Variants in TJP3 observed in about 807,000 individuals in gnomAD.
TJP3 encodes the protein tight junction protein ZO-3.
A neutral mutation model predicts 104.2 loss-of-function variants in TJP3; 85 were observed. The ratio of observed to expected loss-of-function variants is 0.82; its 90% CI spans 0.68 to 0.98. The LOEUF is 0.98. TJP3 is among the 50% of genes least tolerant of loss of function. TJP3 has a pLI of 0.00. For missense variants in TJP3, 1,367 were observed against 1,322.8 expected (o/e 1.03, Z -0.52); for synonymous variants, 550 against 550.6 (o/e 1.00, Z 0.02).
chr19:3,738,766 C>T (rs2036771924), intron 12 of TJP3, 103 bp downstream of exon 12: 2 of 1,319,466 alleles, frequency 1.5e-6, no homozygotes, highest in African/African-American at 1.4e-5. Flanking sequence ...TGCATCTCTG[C>T]ACCCTCCATC....
rs371994055 is a variant in TJP3, at chr19:3,730,486, C to T, written c.393C>T (p.Asp131=). 114 of 1,584,398 alleles carry T rather than the reference C, an allele frequency of 7.2e-5. No homozygotes were observed. Among genetic ancestry groups the T allele is most frequent in the African/African-American group, 3.5e-4 (26 of 74,314 alleles). ...AGGTGGACCAGGGCCGGGGCTATGA[C>T]GGCGACTCATCCAGTGGCTCCGGCC... ...VEEVDQGRGY[D]GDSSSGSGRS... The change falls in exon 5 of 21, where the codon GAC becomes GAT. Residue 131 remains aspartate, a synonymous_variant. Coordinates refer to ENST00000541714, the MANE Select transcript of TJP3 (RefSeq NM_001267560.2). The surrounding 1 kb of genome is among the most constrained non-coding windows in gnomAD (Gnocchi z 7.3).
chr19:3,719,597 G>C (rs2036523410), intron 1 of TJP3, among the ~76,000 whole-genome samples: 1 of 151,828 alleles, frequency 6.6e-6, no homozygotes, highest in South Asian at 2.1e-4. Flanking sequence ...TTAGCCAGGC[G>C]TGGTGGCGGG....
intron 6 of TJP3, among the ~76,000 whole-genome samples, chr19:3,732,692 A>G (rs7252725): frequency 0.61 from 91,722 of 151,526 alleles, 28,241 homozygotes; most frequent in Admixed American, 0.74. Context: ...GTATTTTTAG[A>G]AAAGACGGGT....
chr19:3,738,702 G>A, intron 12 of TJP3, 39 bp downstream of exon 12: 1 of 1,572,500 alleles, frequency 6.4e-7, no homozygotes, highest in South Asian at 1.1e-5. Flanking sequence ...GTGTGTTGCG[G>A]GGGGAGGACC....
intron 1 of TJP3, among the ~76,000 whole-genome samples, chr19:3,718,076 T>TGGTGGCGG (rs1421841001): frequency 6.6e-6 from 1 of 150,938 alleles, no homozygotes; most frequent in Non-Finnish European, 1.5e-5. Context: ...CAGCCGGGCA[T>TGGTGGCGG]GTGCCTGTAG....
At chr19:3,723,274 C>T (rs1196409238) in intron 1 of TJP3, among the ~76,000 whole-genome samples, 1 of 152,022 alleles carries the variant, frequency 6.6e-6, no homozygotes, top group African/African-American at 2.4e-5. Flanking sequence ...GTATGATATG[C>T]GTACGGAGGA....
chr19:3,714,407 C>T (rs1409003177), intron 1 of TJP3, among the ~76,000 whole-genome samples: 6 of 148,230 alleles, frequency 4.0e-5, no homozygotes, highest in African/African-American at 1.5e-4. Context: ...CTCAAACTCC[C>T]GACCTCGTGA....
intron 14 of TJP3, among the ~76,000 whole-genome samples, chr19:3,742,580 T>C (rs565349907): frequency 2.8e-4 from 41 of 145,400 alleles, no homozygotes; most frequent in Admixed American, 1.7e-3. Flanking sequence ...GGTGGGTGGA[T>C]GGACCTTGAG....
chr19:3,721,751 G>T, intron 1 of TJP3: 1 of 403,336 alleles, frequency 2.5e-6, no homozygotes, highest in East Asian at 3.7e-5. Context: ...GGGAGCTGCG[G>T]AGCTGGAGGG....
chr19:3,729,617 C>G (rs2036642101), intron 3 of TJP3, among the ~76,000 whole-genome samples: 1 of 151,784 alleles, frequency 6.6e-6, no homozygotes, highest in South Asian at 2.1e-4. Context: ...CCCATCTCTA[C>G]TAACAAATAC....
chr19:3,747,268 C>T (rs994717437), intron 18 of TJP3, among the ~76,000 whole-genome samples: 1 of 152,090 alleles, frequency 6.6e-6, no homozygotes, highest in Non-Finnish European at 1.5e-5. Context: ...ACCATGTTGG[C>T]CAGGCTGGGC....
At position 3,732,046 on chromosome 19, in the gene TJP3, C is replaced by T. The variant is rs752900658; in HGVS notation, c.717+8C>T. On this transcript the variant is annotated splice_region_variant and intron_variant, in intron 6 of 20. Coordinates refer to ENST00000541714, the MANE Select transcript of TJP3 (RefSeq NM_001267560.2). ...GGAGATCTCATTCTACAGGTGAGGC[C>T]GGGCTTCTTGTCCTGAGAGCAGGGA... 1.2e-5 allele frequency: 19 copies of T among 1,608,836 alleles called. No homozygotes were observed. Among genetic ancestry groups the T allele is most frequent in the Admixed American group, 8.4e-5 (5 of 59,754 alleles).
chr19:3,721,704 C>T, intron 1 of TJP3: 1 of 368,662 alleles, frequency 2.7e-6, no homozygotes. Context: ...GCGGGGCTGA[C>T]CCGAGACCTG....
chr19:3,741,053 T>G (rs1448470962), intron 14 of TJP3, among the ~76,000 whole-genome samples: 1 of 152,062 alleles, frequency 6.6e-6, no homozygotes. Flanking sequence ...TAGGCTGGAG[T>G]GCAATAGCGT....
At position 3,735,895 on chromosome 19, in the gene TJP3, A is replaced by G. The variant is rs1264261652; in HGVS notation, c.1087A>G (p.Ile363Val). 2 of 1,614,188 alleles carry G rather than the reference A, an allele frequency of 1.2e-6. No homozygotes were observed. Among genetic ancestry groups the G allele is most frequent in the African/African-American group, 1.3e-5 (1 of 75,046 alleles). ...SELPRESSYD[I>V]YRVPSSQSME... ...GTTGCCCAGGGAAAGCAGCTATGAC[A>G]TCTACAGAGTGCCCAGCAGTCAGAG... Residue 363 changes from isoleucine to valine, a missense_variant, in exon 10 of 21, where the codon ATC becomes GTC. Physicochemically the swap from Ile to Val is conservative, Grantham distance 29 (BLOSUM62 3). Coordinates refer to ENST00000541714, the MANE Select transcript of TJP3 (RefSeq NM_001267560.2).
intron 1 of TJP3, among the ~76,000 whole-genome samples, chr19:3,725,588 A>G (rs2036587656): frequency 6.6e-6 from 1 of 150,538 alleles, no homozygotes; most frequent in Admixed American, 6.7e-5. Context: ...GCTACTCGGG[A>G]GGCTGAGTCA....
intron 1 of TJP3, among the ~76,000 whole-genome samples, chr19:3,719,773 C>T (rs2036525870): frequency 6.6e-6 from 1 of 151,432 alleles, no homozygotes; most frequent in Non-Finnish European, 1.5e-5. Flanking sequence ...GACATATAAC[C>T]TTCATGCGAT....
intron 1 of TJP3, among the ~76,000 whole-genome samples, chr19:3,721,413 G>C (rs2036540760): frequency 6.6e-6 from 1 of 152,156 alleles, no homozygotes; most frequent in Admixed American, 6.5e-5. Flanking sequence ...TCTGGCCTTC[G>C]ACAAGCTTCT....
chr19:3,748,532 T>C (rs1429860515), intron 19 of TJP3, among the ~76,000 whole-genome samples: 1 of 150,850 alleles, frequency 6.6e-6, no homozygotes, highest in Non-Finnish European at 1.5e-5. Flanking sequence ...CCTCCCAAAG[T>C]GCTGGGATTA....
Sources: gnomAD v4.1 joint callset for allele counts (sites outside exome capture counted in the v4.1 genomes callset) on GRCh38, gnomAD v4.1.1 for gene constraint, Gnocchi (gnomAD v3.1) non-coding constraint, MANE v1.5 for transcripts, NCBI Gene and HGNC (gene_info 2026-07-23, HGNC 2026-07-21) for gene names.